The following RAD51B variants were observed in gnomAD, a reference collection of about 807,000 sequenced individuals.
The protein encoded by RAD51B is RAD51 paralog B.
In RAD51B, 38 loss-of-function variants were observed where a neutral mutation model predicts 42.2. The ratio of observed to expected loss-of-function variants is 0.90; its 90% CI spans 0.70 to 1.18. The LOEUF (loss-of-function observed/expected upper bound fraction) is 1.18. Among genes scored for constraint, RAD51B ranks in the 50% most tolerant of loss-of-function variants. RAD51B has a pLI of 0.00. For missense variants in RAD51B, 373 were observed against 400.7 expected (o/e 0.93, Z 0.59); for synonymous variants, 154 against 145.2 (o/e 1.06, Z -0.43).
intron 5 of RAD51B, among the ~76,000 whole-genome samples, chr14:67,884,983 T>G (rs2140049218): frequency 6.6e-6 from 1 of 152,306 alleles, no homozygotes; most frequent in South Asian, 2.1e-4. Context: ...TCTTTTGTAC[T>G]TTTGAGTCTC....
At chr14:68,158,106 C>T (rs997584372) in intron 7 of RAD51B, among the ~76,000 whole-genome samples, 1 of 152,188 alleles carries the variant, frequency 6.6e-6, no homozygotes, top group Admixed American at 6.5e-5. Flanking sequence ...TCACCACACC[C>T]TTCACACAGC....
chr14:68,314,001 C>T (rs768990212), intron 8 of RAD51B, among the ~76,000 whole-genome samples: 3 of 152,284 alleles, frequency 2.0e-5, no homozygotes, highest in Non-Finnish European at 4.4e-5. Context: ...GACTAGAATA[C>T]TGCTGTGTGC....
At chr14:68,203,539 T>C (rs2140930207) in intron 7 of RAD51B, among the ~76,000 whole-genome samples, 1 of 152,328 alleles carries the variant, frequency 6.6e-6, no homozygotes, top group East Asian at 1.9e-4. Flanking sequence ...TAAATGATCA[T>C]TGGCTTCAAG....
At chr14:68,172,621 T>C (rs1490001031) in intron 7 of RAD51B, among the ~76,000 whole-genome samples, 1 of 152,134 alleles carries the variant, frequency 6.6e-6, no homozygotes, top group African/African-American at 2.4e-5. Context: ...TTAGATTGAC[T>C]GATATTTCCC....
intron 7 of RAD51B, among the ~76,000 whole-genome samples, chr14:68,219,120 G>C (rs2140959337): frequency 6.6e-6 from 1 of 152,346 alleles, no homozygotes; most frequent in South Asian, 2.1e-4. Context: ...GAGCAGCATA[G>C]CTGACAGAGC....
In RAD51B at chr14:68,291,984, A is replaced by G. The variant is rs773906466; in HGVS notation, c.853+4A>G. 6.2e-6 allele frequency: 10 copies of G among 1,608,318 alleles called. No individual in the cohort carries two copies. Among genetic ancestry groups the G allele is most frequent in the Non-Finnish European group, 8.5e-6 (10 of 1,174,916 alleles). On this transcript the variant is annotated splice_donor_region_variant and intron_variant, in intron 8 of 10. Transcript: ENST00000471583. ...GATGATTTGTCCCTGTCTGAAGGTAAGGAATCTGTCCTGGAGAGGCTGAAA... is the reference window on the plus strand; with the variant it reads ...GATGATTTGTCCCTGTCTGAAGGTAGGGAATCTGTCCTGGAGAGGCTGAAA...
intron 7 of RAD51B, among the ~76,000 whole-genome samples, chr14:68,051,840 C>T (rs1412064849): frequency 6.6e-6 from 1 of 151,394 alleles, no homozygotes; most frequent in Non-Finnish European, 1.5e-5. Context: ...TGGCCTCAAG[C>T]GATTCTCCCA....
rs534960861 is a variant in RAD51B at position 68,213,709 on chromosome 14, T to C, written c.757-78175T>C. ...GCAGTAGTTCTTCTCTAAGAGTCCA[T>C]GTCCAGAGTACTAGGTCAGGTCTGT... On this transcript the variant is annotated intron_variant, in intron 7 of 10. Transcript: ENST00000471583. 2.0e-5 allele frequency among the ~76,000 whole-genome samples: 3 copies of C among 152,318 alleles called. No homozygotes were observed. The South Asian group carries it at 6.2e-4, about 32-fold the overall frequency.
intron 7 of RAD51B, among the ~76,000 whole-genome samples, chr14:68,114,540 T>C (rs1242428466): frequency 6.6e-6 from 1 of 152,100 alleles, no homozygotes; most frequent in African/African-American, 2.4e-5. Flanking sequence ...ATATAAAACG[T>C]GCTAAAATTG....
chr14:68,293,230 G>A (rs2081548954), intron 8 of RAD51B, among the ~76,000 whole-genome samples: 1 of 151,858 alleles, frequency 6.6e-6, no homozygotes, highest in South Asian at 2.1e-4. Flanking sequence ...TTTTTTGTTT[G>A]TTTCTTTTTT....
At chr14:68,211,330 C>T (rs1595557875) in intron 7 of RAD51B, among the ~76,000 whole-genome samples, 1 of 152,284 alleles carries the variant, frequency 6.6e-6, no homozygotes, top group East Asian at 1.9e-4. Flanking sequence ...CATTGCCCTC[C>T]CTCCACCCGC....
chr14:68,301,447 A>G (rs1284627160), intron 8 of RAD51B, among the ~76,000 whole-genome samples: 1 of 152,204 alleles, frequency 6.6e-6, no homozygotes, highest in East Asian at 1.9e-4. Flanking sequence ...CCAGCCAGGA[A>G]GAAGTTTCTT....
chr14:67,901,051 G>C (rs550689003), intron 7 of RAD51B, among the ~76,000 whole-genome samples: 2 of 152,200 alleles, frequency 1.3e-5, no homozygotes, highest in African/African-American at 2.4e-5. Flanking sequence ...TTAGCAAAGA[G>C]AGGGGACCTG....
chr14:68,342,288 A>G (rs2082586989), intron 8 of RAD51B, among the ~76,000 whole-genome samples: 1 of 152,222 alleles, frequency 6.6e-6, no homozygotes, highest in South Asian at 2.1e-4. Flanking sequence ...TTAGGAAAGA[A>G]AAAAAATTTA....
Position 67,948,942 on chromosome 14 carries a change from A to AAC in RAD51B, c.756+61739_756+61740insCA, listed in dbSNP as rs1483201171. 1.4e-3 allele frequency among the ~76,000 whole-genome samples: 204 copies of AAC among 149,596 alleles called. 5 individuals carry two copies. The highest frequency in any genetic ancestry group is 4.8e-3 in the African/African-American group (196 of 40,556). The stretch of plus-strand genomic sequence containing the variant: ...GTGAGACTCTGTCTCAAAAAAAAAA[A>AAC]AAAAAAAAAAAAAAAAGCAATGTAC... On this transcript the variant is annotated intron_variant, in intron 7 of 10. Coordinates refer to ENST00000471583, the MANE Select transcript of RAD51B (RefSeq NM_133510.4).
intron 10 of RAD51B, among the ~76,000 whole-genome samples, chr14:68,489,271 G>A (rs1447845141): frequency 5.9e-5 from 9 of 152,190 alleles, no homozygotes; most frequent in Admixed American, 5.9e-4. Flanking sequence ...CATCTGTAAT[G>A]TTATCACATG....
chr14:68,434,547 C>T lies in RAD51B; in HGVS notation c.957+23020C>T, dbSNP rs993306546. On this transcript the variant is annotated intron_variant, in intron 9 of 10. Coordinates refer to ENST00000471583, the MANE Select transcript of RAD51B (RefSeq NM_133510.4). ...TGGGCATGGGATCCTCCAAGCCAGG[C>T]GTGCGTTATAATCTCCTGGTGTGTC... Among the ~76,000 whole-genome samples the T allele has an allele frequency of 7.9e-5, 12 of 152,224 alleles. No individual in the cohort carries two copies. The South Asian group carries it at 1.2e-3, about 16-fold the overall frequency.
At chr14:68,158,546 T>C (rs1419018078) in intron 7 of RAD51B, among the ~76,000 whole-genome samples, 3 of 152,224 alleles carry the variant, frequency 2.0e-5, no homozygotes, top group Non-Finnish European at 4.4e-5. Context: ...AGTCAGTTAA[T>C]ATACTTTAAC....
intron 10 of RAD51B, among the ~76,000 whole-genome samples, chr14:68,575,376 T>TC (rs768090572): frequency 1.3e-4 from 20 of 152,062 alleles, no homozygotes; most frequent in Non-Finnish European, 2.5e-4. Flanking sequence ...TGCTCCCTGC[T>TC]CCCCCTGCCC....
Sources: gnomAD v4.1 joint callset for allele counts (sites outside exome capture counted in the v4.1 genomes callset) on GRCh38, gnomAD v4.1.1 for gene constraint, MANE v1.5 for transcripts, NCBI Gene and HGNC (gene_info 2026-07-23, HGNC 2026-07-21) for gene names.